Variants in JAK2 observed in about 807,000 individuals in gnomAD.
The protein encoded by JAK2 is tyrosine-protein kinase JAK2.
In JAK2, 86 loss-of-function variants were observed where a neutral mutation model predicts 139.3. The observed-to-expected ratio is 0.62, with a 90% CI of 0.52 to 0.74. JAK2 has a LOEUF of 0.74. JAK2 is among the 30% of genes least tolerant of loss of function. The pLI is 0.00. For synonymous variants in JAK2, 490 were observed against 437.7 expected, an observed-to-expected ratio of 1.12 and a Z score of -1.49; for missense variants, 1,421 against 1,360.3, an observed-to-expected ratio of 1.04 and a Z score of -0.70.
chr9:5,038,268 A>T (rs1372172649), intron 4 of JAK2, among the ~76,000 whole-genome samples: 1 of 152,212 alleles, frequency 6.6e-6, no homozygotes, highest in African/African-American at 2.4e-5. Flanking sequence ...AAGTTTGAAT[A>T]GGTCTATGAC....
chr9:5,125,430 TTTCCA>T (rs1823916187), intron 23 of JAK2, among the ~76,000 whole-genome samples: 1 of 151,446 alleles, frequency 6.6e-6, no homozygotes, highest in African/African-American at 2.4e-5. Context: ...GAACAATCAT[TTTCCA>T]TTCTTCAGTC....
chr9:5,009,392 A>G (rs1364398694), intron 2 of JAK2, among the ~76,000 whole-genome samples: 1 of 152,212 alleles, frequency 6.6e-6, no homozygotes, highest in East Asian at 1.9e-4. Flanking sequence ...AGAGCAGCAC[A>G]GGAACACTAT....
chr9:5,005,640 T>C (rs1821250049), intron 2 of JAK2, among the ~76,000 whole-genome samples: 1 of 152,238 alleles, frequency 6.6e-6, no homozygotes. Flanking sequence ...TTCATGTCCT[T>C]ACATATTTTG....
rs142562774 is a variant in JAK2 at position 5,033,967 on chromosome 9, C to T, written c.350+4061C>T. On this transcript the variant is annotated intron_variant, in intron 4 of 24. Coordinates refer to ENST00000381652, the MANE Select transcript of JAK2 (RefSeq NM_004972.4). ...TGGTAAACTGGATAAAGAGTCAAGA[C>T]CCATCAGTGTGCTGTATTCAGGAAA... is the stretch of plus-strand genomic sequence containing the variant. Among the ~76,000 whole-genome samples the T allele has an allele frequency of 2.1e-3, 327 of 152,198 alleles. 1 individual carries two copies. The highest frequency in any genetic ancestry group is 0.013 in the East Asian group (67 of 5,186).
At chr9:5,005,555 A>C (rs1490580889) in intron 2 of JAK2, among the ~76,000 whole-genome samples, 1 of 152,116 alleles carries the variant, frequency 6.6e-6, no homozygotes, top group African/African-American at 2.4e-5. Context: ...TATTGGATTT[A>C]ATTTGCTAGT....
At chr9:5,056,416 A>G (rs1251581452) in intron 8 of JAK2, among the ~76,000 whole-genome samples, 3 of 152,060 alleles carry the variant, frequency 2.0e-5, no homozygotes, top group Non-Finnish European at 4.4e-5. Context: ...TTCCTGGCTT[A>G]AACTAGTCCT....
At chr9:5,004,983 C>T (rs1472831772) in intron 2 of JAK2, among the ~76,000 whole-genome samples, 1 of 143,628 alleles carries the variant, frequency 7.0e-6, no homozygotes, top group Non-Finnish European at 1.5e-5. Flanking sequence ...GTGGTGTGAT[C>T]ATAGCTCACT....
At chr9:5,050,288 C>G (rs1019811543) in intron 5 of JAK2, among the ~76,000 whole-genome samples, 1 of 152,008 alleles carries the variant, frequency 6.6e-6, no homozygotes, top group Non-Finnish European at 1.5e-5. Context: ...GAATTTATGC[C>G]ATTTATTTAT....
chr9:5,040,965 C>G (rs182441873), intron 4 of JAK2: 2 of 555,062 alleles, frequency 3.6e-6, no homozygotes, highest in African/African-American at 3.8e-5. Flanking sequence ...TCTATACAAA[C>G]AAATATGTGG....
chr9:5,026,212 C>T (rs1176013542), intron 3 of JAK2, among the ~76,000 whole-genome samples: 1 of 152,078 alleles, frequency 6.6e-6, no homozygotes, highest in Non-Finnish European at 1.5e-5. Flanking sequence ...ACAATTTTTC[C>T]TCTTGAGTTT....
intron 19 of JAK2, among the ~76,000 whole-genome samples, chr9:5,088,668 C>T (rs1820316123): frequency 1.3e-5 from 2 of 152,150 alleles, no homozygotes; most frequent in East Asian, 1.9e-4. Context: ...CTTTGAATTC[C>T]AGGGCCTGGA....
intron 5 of JAK2, among the ~76,000 whole-genome samples, chr9:5,045,982 G>C (rs1432116831): frequency 1.3e-5 from 2 of 152,090 alleles, no homozygotes; most frequent in Non-Finnish European, 2.9e-5. Flanking sequence ...TGTAGTGGCT[G>C]CACTATTTTT....
chr9:5,022,798 T>C (rs560617110), intron 3 of JAK2, among the ~76,000 whole-genome samples: 1 of 152,344 alleles, frequency 6.6e-6, no homozygotes, highest in Admixed American at 6.5e-5. Flanking sequence ...GAGGTTACTA[T>C]AGAGCCTACT....
In JAK2 at chr9:5,129,258, TAAATTG is replaced by T. The variant is rs1413938635; in HGVS notation, c.*2472_*2477del. ...GTTAATTTCTTTAGCATGCTCCCCC[TAAATTG>T]AAATAGTGATGTAGTAAATATTCAG... On this transcript the variant is annotated 3_prime_UTR_variant, in exon 25 of 25. Transcript: ENST00000381652. Among the ~76,000 whole-genome samples the T allele has an allele frequency of 6.6e-6, 1 of 152,086 alleles. No homozygotes were observed. Among genetic ancestry groups the T allele is most frequent in the Non-Finnish European group, 1.5e-5 (1 of 67,936 alleles).
chr9:5,044,495 T>C lies in JAK2; in HGVS notation c.443T>C (p.Phe148Ser). Reference sequence around the variant, plus strand: ...GCTGAAGCTCCTCTTCTTGATGACTTTGTCATGTCTTACCTCTTTGCTCAG... The same window carrying C: ...GCTGAAGCTCCTCTTCTTGATGACTCTGTCATGTCTTACCTCTTTGCTCAG... ...RGAEAPLLDDFVMSYLFAQWR... is the reference protein window; with the variant it reads ...RGAEAPLLDDSVMSYLFAQWR... The change falls in exon 5 of 25, where the codon TTT (phenylalanine) becomes TCT (serine). Residue 148 changes from phenylalanine to serine, a missense_variant. Phe to Ser is a radical substitution (Grantham distance 155). Transcript: ENST00000381652. 6.2e-7 allele frequency: 1 copy of C among 1,607,336 alleles called. No homozygotes were observed. Among genetic ancestry groups the C allele is most frequent in the Non-Finnish European group, 8.5e-7 (1 of 1,174,832 alleles).
intron 22 of JAK2, chr9:5,097,294 G>GTAACCTCAAC (rs1163904889): frequency 6.6e-6 from 1 of 152,046 alleles, no homozygotes; most frequent in Non-Finnish European, 1.5e-5. Flanking sequence ...TTAACTGACC[G>GTAACCTCAAC]TAACCTCAAC....
chr9:5,037,541 G>A (rs1192448484), intron 4 of JAK2, among the ~76,000 whole-genome samples: 1 of 152,152 alleles, frequency 6.6e-6, no homozygotes, highest in Non-Finnish European at 1.5e-5. Flanking sequence ...AAAATGATGA[G>A]TTCATGTCCT....
chr9:5,115,684 G>A (rs55668727), intron 22 of JAK2, among the ~76,000 whole-genome samples: 32,005 of 152,090 alleles, frequency 0.21, 3,575 homozygotes, highest in East Asian at 0.29. Context: ...ATGATAGACT[G>A]GATAAAGAAA....
chr9:5,042,978 G>C (rs1281810776), intron 4 of JAK2, among the ~76,000 whole-genome samples: 1 of 152,242 alleles, frequency 6.6e-6, no homozygotes. Context: ...CCGACCCTCA[G>C]AAGCTGAGGG....
Sources: gnomAD v4.1 joint callset for allele counts (sites outside exome capture counted in the v4.1 genomes callset) on GRCh38, gnomAD v4.1.1 for gene constraint, MANE v1.5 for transcripts, NCBI Gene and HGNC (gene_info 2026-07-23, HGNC 2026-07-21) for gene names.